Variants in CLSTN2 observed in about 807,000 individuals in gnomAD.
CLSTN2 encodes the protein calsyntenin 2, also known as calsyntenin-2.
A neutral mutation model predicts 101.2 loss-of-function variants in CLSTN2; 48 were observed. That is an observed-to-expected ratio of 0.47 (90% CI 0.38 to 0.60). CLSTN2 has a LOEUF of 0.60. Among genes scored for constraint, CLSTN2 ranks in the 20% least tolerant of loss-of-function variants. The probability of loss-of-function intolerance (pLI) is 0.00; values close to 1 mark genes in which losing one functional copy is unlikely to be tolerated. For missense variants in CLSTN2, 1,160 were observed against 1,238.2 expected, an observed-to-expected ratio of 0.94 and a Z score of 0.95; for synonymous variants, 481 against 463.6, an observed-to-expected ratio of 1.04 and a Z score of -0.48.
intron 1 of CLSTN2, among the ~76,000 whole-genome samples, chr3:140,087,758 G>A (rs1282657518): frequency 6.6e-6 from 1 of 152,218 alleles, no homozygotes; most frequent in African/African-American, 2.4e-5. Flanking sequence ...TGAGAGAGGA[G>A]AGTAATATCA....
intron 2 of CLSTN2, among the ~76,000 whole-genome samples, chr3:140,399,545 C>A (rs2088218623): frequency 6.6e-6 from 1 of 152,038 alleles, no homozygotes; most frequent in African/African-American, 2.4e-5. Flanking sequence ...ATGCAATGTC[C>A]ATTTTTAAAT....
At chr3:140,480,288 T>C (rs560642888) in intron 8 of CLSTN2, among the ~76,000 whole-genome samples, 26 of 152,382 alleles carry the variant, frequency 1.7e-4, no homozygotes, top group African/African-American at 6.3e-4. Flanking sequence ...TCATTTTTTA[T>C]GGCTGCATAG....
intron 2 of CLSTN2, among the ~76,000 whole-genome samples, chr3:140,221,380 A>G (rs1042729372): frequency 6.6e-6 from 1 of 152,320 alleles, no homozygotes; most frequent in Non-Finnish European, 1.5e-5. Flanking sequence ...GTGCTACATA[A>G]TATAAATTAC....
At chr3:140,218,473 A>G (rs1374579242) in intron 2 of CLSTN2, among the ~76,000 whole-genome samples, 2 of 152,196 alleles carry the variant, frequency 1.3e-5, no homozygotes, top group African/African-American at 4.8e-5. Context: ...AAAGTGAGAT[A>G]GCAGGTTGTC....
At chr3:140,225,909 A>AT (rs113777885) in intron 2 of CLSTN2, among the ~76,000 whole-genome samples, 8,473 of 150,636 alleles carry the variant, frequency 0.056, 306 homozygotes, top group Non-Finnish European at 0.083. Context: ...CCATAAGTTG[A>AT]TTTTTTTTAA....
chr3:140,301,166 A>C (rs1362195250), intron 2 of CLSTN2, among the ~76,000 whole-genome samples: 1 of 152,220 alleles, frequency 6.6e-6, no homozygotes, highest in East Asian at 1.9e-4. Flanking sequence ...AACATCCCAC[A>C]GATATACCCA....
chr3:140,208,891 A>G (rs1193416142), intron 2 of CLSTN2, among the ~76,000 whole-genome samples: 5 of 152,322 alleles, frequency 3.3e-5, no homozygotes. Context: ...CCTGACACAT[A>G]GGAAGAGCTC....
At chr3:140,271,901 G>C (rs1211800061) in intron 2 of CLSTN2, among the ~76,000 whole-genome samples, 1 of 152,158 alleles carries the variant, frequency 6.6e-6, no homozygotes, top group East Asian at 1.9e-4. Flanking sequence ...AAATGTGTTG[G>C]CTTAAGCCGA....
At chr3:140,175,866 G>T in intron 1 of CLSTN2, 85 bp from the exon 2 acceptor site, 3 of 1,309,574 alleles carry the variant, frequency 2.3e-6, no homozygotes, top group Non-Finnish European at 3.2e-6. Flanking sequence ...CTATGATTGG[G>T]CAAATATACA....
At chr3:140,352,952 GA>G (rs906094903) in intron 2 of CLSTN2, among the ~76,000 whole-genome samples, 3 of 151,904 alleles carry the variant, frequency 2.0e-5, no homozygotes, top group Non-Finnish European at 4.4e-5. Flanking sequence ...TAAATATTTG[GA>G]AAAAAATTAT....
chr3:140,015,281 C>G (rs1241731427), intron 1 of CLSTN2, among the ~76,000 whole-genome samples: 1 of 152,188 alleles, frequency 6.6e-6, no homozygotes, highest in Non-Finnish European at 1.5e-5. Flanking sequence ...AGAGTATACC[C>G]CTAGGCATTT....
At chr3:140,364,072 G>A (rs1379118616) in intron 2 of CLSTN2, among the ~76,000 whole-genome samples, 3 of 152,190 alleles carry the variant, frequency 2.0e-5, no homozygotes, top group African/African-American at 7.2e-5. Context: ...TTGCTGTACT[G>A]TTTTCTAAGT....
chr3:139,951,531 T>C (rs753270378), intron 1 of CLSTN2, among the ~76,000 whole-genome samples: 2 of 152,164 alleles, frequency 1.3e-5, no homozygotes, highest in African/African-American at 2.4e-5. Flanking sequence ...CATCTTGTGG[T>C]CTTTCCCATT....
At chr3:140,176,293 G>T (rs577069142) in intron 2 of CLSTN2, among the ~76,000 whole-genome samples, 2 of 152,276 alleles carry the variant, frequency 1.3e-5, no homozygotes, top group African/African-American at 4.8e-5. Flanking sequence ...TGCCTCCAGT[G>T]CAAGACCCTT....
intron 1 of CLSTN2, among the ~76,000 whole-genome samples, chr3:140,160,800 C>T (rs1006646772): frequency 6.6e-6 from 1 of 152,048 alleles, no homozygotes; most frequent in African/African-American, 2.4e-5. Flanking sequence ...CCTAACCTAC[C>T]ACAATAGCTT....
intron 2 of CLSTN2, among the ~76,000 whole-genome samples, chr3:140,277,973 T>C (rs575978162): frequency 6.6e-6 from 1 of 152,314 alleles, no homozygotes; most frequent in East Asian, 1.9e-4. Flanking sequence ...GCAGCCCAGG[T>C]TCTTTCTGCC....
intron 1 of CLSTN2, among the ~76,000 whole-genome samples, chr3:139,980,091 C>T (rs1208426808): frequency 3.9e-5 from 6 of 152,206 alleles, no homozygotes; most frequent in Admixed American, 2.6e-4. Context: ...CCACCATCAT[C>T]TCTCACCTGA....
rs768866966 is a variant in CLSTN2 at position 140,403,846 on chromosome 3, T to G, written c.428+22T>G. 3.2e-6 allele frequency: 5 copies of G among 1,585,938 alleles called. No homozygotes were observed. The South Asian group carries it at 5.7e-5, about 18-fold the overall frequency. ...ACAAGTGAGTGGCCTGACAGAGCCCTCTGGACGCCCCTCCCTCCCGTGCCC... is the reference window on the plus strand; with the variant it reads ...ACAAGTGAGTGGCCTGACAGAGCCCGCTGGACGCCCCTCCCTCCCGTGCCC... On this transcript the variant is annotated intron_variant, in intron 3 of 16. Transcript: ENST00000458420.
intron 2 of CLSTN2, among the ~76,000 whole-genome samples, chr3:140,295,531 T>C (rs149476639): frequency 1.7e-3 from 266 of 152,328 alleles, no homozygotes; most frequent in African/African-American, 6.3e-3. Flanking sequence ...CTGAAATTTA[T>C]TTTGGTTTAA....
Sources: gnomAD v4.1 joint callset for allele counts (sites outside exome capture counted in the v4.1 genomes callset) on GRCh38, gnomAD v4.1.1 for gene constraint, MANE v1.5 for transcripts, NCBI Gene and HGNC (gene_info 2026-07-23, HGNC 2026-07-21) for gene names.